Variants in ALKBH3 observed in about 807,000 individuals in gnomAD.
ALKBH3 encodes alkB homolog 3, alpha-ketoglutarate dependent dioxygenase.
Under a neutral mutation model 43.9 loss-of-function variants are expected in ALKBH3, and 51 were observed. The observed-to-expected ratio is 1.16, with a 90% CI of 0.93 to 1.47. The LOEUF (loss-of-function observed/expected upper bound fraction) is 1.47. Among genes scored for constraint, ALKBH3 ranks in the 40% most tolerant of loss-of-function variants. The pLI is 0.00. For synonymous variants in ALKBH3, 102 were observed against 115.2 expected (o/e 0.89, Z 0.73); for missense variants, 361 against 351.9 (o/e 1.03, Z -0.21).
chr11:43,884,876 C>T (rs1255814830), intron 4 of ALKBH3, among the ~76,000 whole-genome samples: 3 of 152,086 alleles, frequency 2.0e-5, no homozygotes, highest in East Asian at 1.9e-4. Context: ...CTCAGCCTCC[C>T]GAGTAGCTGG....
chr11:43,917,455 A>G (rs1286266129), intron 8 of ALKBH3, among the ~76,000 whole-genome samples: 1 of 152,226 alleles, frequency 6.6e-6, no homozygotes, highest in East Asian at 1.9e-4. Flanking sequence ...TTTGTAGATT[A>G]AGCCCATGTT....
At chr11:43,890,785 A>T (rs1951778438) in intron 6 of ALKBH3, among the ~76,000 whole-genome samples, 1 of 152,050 alleles carries the variant, frequency 6.6e-6, no homozygotes, top group African/African-American at 2.4e-5. Flanking sequence ...AATTGCTTGA[A>T]TCCGGGAGGC....
chr11:43,898,705 C>T (rs1951838795), intron 7 of ALKBH3: 2 of 716,310 alleles, frequency 2.8e-6, no homozygotes, highest in African/African-American at 1.7e-5. Flanking sequence ...GGCCAGTTAC[C>T]CTAAGAGACT....
In ALKBH3 at chr11:43,892,185, G is replaced by A. The variant is rs747708970; in HGVS notation, c.459+56G>A. On this transcript the variant is annotated intron_variant, in intron 7 of 9. Coordinates refer to ENST00000302708, the MANE Select transcript of ALKBH3 (RefSeq NM_139178.4). ...TTATAGACTATATACTATGTGTTGA[G>A]TGCTATAAAATAACAACAAATTACC... 3.0e-5 allele frequency: 43 copies of A among 1,434,016 alleles called. No individual in the cohort carries two copies. The South Asian group carries it at 3.5e-4, about 12-fold the overall frequency. The allele number at this position is 1,434,016 out of a possible 1,614,324, so 88.8% of individuals were successfully genotyped here. A position where few individuals can be genotyped will look rare whatever the true frequency, so the allele number is the denominator to read the frequency against.
chr11:43,907,590 C>T (rs1951904700), intron 8 of ALKBH3, among the ~76,000 whole-genome samples: 1 of 152,164 alleles, frequency 6.6e-6, no homozygotes, highest in Non-Finnish European at 1.5e-5. Context: ...AGGACTATTC[C>T]TAAGCCATCT....
intron 8 of ALKBH3, among the ~76,000 whole-genome samples, chr11:43,915,193 G>A (rs954937616): frequency 6.7e-6 from 1 of 149,538 alleles, no homozygotes; most frequent in Non-Finnish European, 1.5e-5. Flanking sequence ...GGGTGACAGA[G>A]TGAGACTCTG....
chr11:43,888,755 G>A (rs557173509), intron 5 of ALKBH3, among the ~76,000 whole-genome samples: 3 of 152,318 alleles, frequency 2.0e-5, no homozygotes, highest in South Asian at 4.1e-4. Context: ...AAAATCAGAT[G>A]CACCTTCAAA....
At chr11:43,887,224 G>A (rs1002488915) in intron 5 of ALKBH3, among the ~76,000 whole-genome samples, 23 of 152,104 alleles carry the variant, frequency 1.5e-4, no homozygotes, top group Non-Finnish European at 2.5e-4. Flanking sequence ...ATATTTTCAG[G>A]TATAGTTCCT....
At chr11:43,898,893 G>C (rs975947792) in intron 7 of ALKBH3, 3 of 754,038 alleles carry the variant, frequency 4.0e-6, no homozygotes. Context: ...CCTGAGTGGA[G>C]AGTGCATGTG....
At chr11:43,917,560 G>A (rs992324351) in intron 8 of ALKBH3, among the ~76,000 whole-genome samples, 1 of 152,102 alleles carries the variant, frequency 6.6e-6, no homozygotes, top group African/African-American at 2.4e-5. Flanking sequence ...CTAAATTAAG[G>A]AGCCTTGGAC....
rs554439406 is a variant in ALKBH3 at position 43,913,513 on chromosome 11, G to A, written c.670-5525G>A. On this transcript the variant is annotated intron_variant, in intron 8 of 9. Coordinates refer to ENST00000302708, the MANE Select transcript of ALKBH3 (RefSeq NM_139178.4). ...ACTCTGTCCATTGCTTGAAACCTTG[G>A]AGGAGCCTATGCTACAATCAGTTGC... Among the ~76,000 whole-genome samples, 75 of 152,274 alleles carry A rather than the reference G, an allele frequency of 4.9e-4. 1 individual carries two copies. The highest frequency in any genetic ancestry group is 9.4e-4 in the Non-Finnish European group (64 of 68,032).
intron 7 of ALKBH3, chr11:43,899,190 A>G: frequency 1.3e-6 from 1 of 769,854 alleles, no homozygotes; most frequent in South Asian, 1.3e-5. Flanking sequence ...GGTGGGAACA[A>G]TGTGCAGCTC....
In ALKBH3 at chr11:43,915,827, C is replaced by T. The variant is rs552239675; in HGVS notation, c.670-3211C>T. ...AAACTCTGGATGATAGGATTACAGGCGATTTTCTACATTTTCTGTGTACTC... is the reference window on the plus strand; with the variant it reads ...AAACTCTGGATGATAGGATTACAGGTGATTTTCTACATTTTCTGTGTACTC... On this transcript the variant is annotated intron_variant, in intron 8 of 9. Transcript: ENST00000302708. Among the ~76,000 whole-genome samples the T allele has an allele frequency of 9.2e-5, 14 of 152,218 alleles. No homozygotes were observed. The South Asian group carries it at 1.5e-3, about 16-fold the overall frequency.
chr11:43,889,627 A>G (rs967619171), intron 5 of ALKBH3, 98 bp from the exon 6 acceptor site: 1 of 973,614 alleles, frequency 1.0e-6, no homozygotes, highest in Non-Finnish European at 1.6e-6. Flanking sequence ...TCATGTACCC[A>G]TTAGAGGCTG....
At position 43,920,109 on chromosome 11, in the gene ALKBH3, T is replaced by C; in HGVS notation, c.*99T>C. 8.6e-7 allele frequency: 1 copy of C among 1,160,724 alleles called. No individual in the cohort carries two copies. Among genetic ancestry groups the C allele is most frequent in the South Asian group, 1.3e-5 (1 of 74,484 alleles). The allele number at this position is 1,160,724 out of a possible 1,614,324, so 71.9% of individuals were successfully genotyped here. ...GTGCTGCTAGATCTCATGATGTGGC[T>C]GTTGGGAAGATGGTGGGGTTTGTTT... On this transcript the variant is annotated 3_prime_UTR_variant, in exon 10 of 10. Coordinates refer to ENST00000302708, the MANE Select transcript of ALKBH3 (RefSeq NM_139178.4).
chr11:43,884,558 C>G (rs1951735003), intron 4 of ALKBH3, among the ~76,000 whole-genome samples: 1 of 152,106 alleles, frequency 6.6e-6, no homozygotes, highest in Non-Finnish European at 1.5e-5. Flanking sequence ...GATGCTTTGA[C>G]TCCTCTTTTT....
intron 8 of ALKBH3, among the ~76,000 whole-genome samples, chr11:43,903,987 TA>T (rs1290820961): frequency 6.6e-6 from 1 of 152,242 alleles, no homozygotes; most frequent in Non-Finnish European, 1.5e-5. Context: ...TCAGTTATGT[TA>T]TAGGGTAACA....
At chr11:43,892,347 T>C (rs980313356) in intron 7 of ALKBH3, among the ~76,000 whole-genome samples, 1 of 152,166 alleles carries the variant, frequency 6.6e-6, no homozygotes, top group African/African-American at 2.4e-5. Flanking sequence ...GAGTCTAGCA[T>C]TTCAGGAAAA....
intron 8 of ALKBH3, among the ~76,000 whole-genome samples, chr11:43,904,879 G>A (rs1421881752): frequency 1.3e-5 from 2 of 152,136 alleles, no homozygotes; most frequent in Non-Finnish European, 2.9e-5. Context: ...CTGACTTCCT[G>A]TAACTCTTAG....
Sources: allele counts gnomAD v4.1 joint callset (sites outside exome capture counted in the v4.1 genomes callset), GRCh38; gene constraint gnomAD v4.1.1; transcripts MANE v1.5; gene names NCBI Gene and HGNC (gene_info 2026-07-23, HGNC 2026-07-21).